NFRKB: variants seen among roughly 807,000 people sequenced by gnomAD.
NFRKB encodes nuclear factor related to kappa-B-binding protein.
In NFRKB, 62 loss-of-function variants were observed where a neutral mutation model predicts 135.7. The ratio of observed to expected loss-of-function variants is 0.46; its 90% CI spans 0.37 to 0.56. NFRKB has a LOEUF of 0.56. NFRKB is among the 20% of genes least tolerant of loss of function. NFRKB has a pLI of 0.00. For synonymous variants in NFRKB, 678 were observed against 635.6 expected, an observed-to-expected ratio of 1.07 and a Z score of -1.00; for missense variants, 1,545 against 1,662.0, an observed-to-expected ratio of 0.93 and a Z score of 1.22.
chr11:129,892,223 C>T (rs963659402), intron 3 of NFRKB, among the ~76,000 whole-genome samples: 1 of 152,164 alleles, frequency 6.6e-6, no homozygotes, highest in African/African-American at 2.4e-5. Context: ...TCCTTCCCCC[C>T]AAGTCCCCAG....
At chr11:129,873,151 A>G in intron 22 of NFRKB, 55 bp from the exon 23 acceptor site, 1 of 1,453,662 alleles carries the variant, frequency 6.9e-7, no homozygotes, top group Non-Finnish European at 9.3e-7. Context: ...GCAGACCAGC[A>G]CTCTAAGCAA....
intron 2 of NFRKB, among the ~76,000 whole-genome samples, chr11:129,893,643 C>T (rs1160581065): frequency 2.6e-5 from 4 of 151,990 alleles, no homozygotes; most frequent in Non-Finnish European, 4.4e-5. Context: ...TCAACATACA[C>T]TAGTAAAATG....
At chr11:129,884,419 C>T (rs1243092804) in intron 7 of NFRKB, among the ~76,000 whole-genome samples, 1 of 152,204 alleles carries the variant, frequency 6.6e-6, no homozygotes, top group Non-Finnish European at 1.5e-5. Context: ...CTCACAGACA[C>T]TCTGGAGAAC....
At position 129,864,247 on chromosome 11, in the gene NFRKB, T is replaced by C. The variant is rs1045679224; in HGVS notation, c.*478A>G. On this transcript the variant is annotated 3_prime_UTR_variant, in exon 27 of 27. Coordinates refer to ENST00000682444, the MANE Select transcript of NFRKB (RefSeq NM_001143835.2). ...GGGGCAGCTAAAGCCCAAGTTTGTA[T>C]TTGAGAAAGATGTACAACAGGTTCT... 5 of 153,196 alleles carry C rather than the reference T, an allele frequency of 3.3e-5. No individual in the cohort carries two copies. The allele number at this position is 153,196 out of a possible 1,614,324, so 9.5% of individuals were successfully genotyped here. A position where few individuals can be genotyped will look rare whatever the true frequency, so the allele number is the denominator to read the frequency against.
chr11:129,875,205 C>T (rs1948702803), intron 18 of NFRKB, 152 bp downstream of exon 18: 1 of 769,578 alleles, frequency 1.3e-6, no homozygotes, highest in Non-Finnish European at 2.0e-6. Context: ...TTGTGTTTCA[C>T]TAACAGCAAG....
At chr11:129,876,657 G>C in intron 17 of NFRKB, 64 bp downstream of exon 17, 1 of 1,560,502 alleles carries the variant, frequency 6.4e-7, no homozygotes. Flanking sequence ...AGAGTTCAGA[G>C]TTGGTAAGAG....
Position 129,878,334 on chromosome 11 carries a change from C to A in NFRKB, c.1486G>T (p.Asp496Tyr), listed in dbSNP as rs1233805925. The change falls in exon 15 of 27, where the codon GAT becomes TAT. Residue 496 changes from aspartate to tyrosine, a missense_variant. Transcript: ENST00000682444. ...FCKQENEDSS[D>Y]ATTPVPRVRT... The stretch of plus-strand genomic sequence containing the variant: ...ACCCGAGGGACAGGTGTTGTGGCAT[C>A]TGAGCTGTCTTCATTTTCTTGCTGG... 6.2e-7 allele frequency: 1 copy of A among 1,614,212 alleles called. No homozygotes were observed. The highest frequency in any genetic ancestry group is 1.7e-5 in the Admixed American group (1 of 60,024).
chr11:129,875,269 T>A, intron 18 of NFRKB, 88 bp downstream of exon 18: 1 of 1,134,504 alleles, frequency 8.8e-7, no homozygotes, highest in Non-Finnish European at 1.3e-6. Flanking sequence ...ATTCAGTTTT[T>A]AAAAATTTTG....
chr11:129,875,878 A>G (rs58024053), intron 17 of NFRKB, among the ~76,000 whole-genome samples: 1,832 of 151,978 alleles, frequency 0.012, 32 homozygotes, highest in African/African-American at 0.04. Context: ...GCTGGTCTTG[A>G]ACTCCTGAGC....
chr11:129,873,116 C>A lies in NFRKB; in HGVS notation c.2551-20G>T. The A allele has an allele frequency of 6.4e-7, 1 of 1,562,762 alleles. No homozygotes were observed. Among genetic ancestry groups the A allele is most frequent in the Non-Finnish European group, 8.7e-7 (1 of 1,149,940 alleles). On this transcript the variant is annotated intron_variant, in intron 22 of 26. Coordinates refer to ENST00000682444, the MANE Select transcript of NFRKB (RefSeq NM_001143835.2). ...TACTGTCTAGTTGAGGGCATGAGGC[C>A]AAGAGCTTAATTAGACTCTAAGATG...
chr11:129,880,276 C>T (rs1010641911), intron 13 of NFRKB, among the ~76,000 whole-genome samples: 5 of 152,180 alleles, frequency 3.3e-5, no homozygotes, highest in African/African-American at 1.2e-4. Flanking sequence ...CTGCTACCTG[C>T]ACAAACAACA....
Position 129,872,908 on chromosome 11 carries a change from G to T in NFRKB, c.2739C>A (p.Val913=). 6.2e-7 allele frequency: 1 copy of T among 1,612,438 alleles called. No individual in the cohort carries two copies. The highest frequency in any genetic ancestry group is 1.1e-5 in the South Asian group (1 of 90,892). ...CCTGCTTGATGATGTTCTGTCCTGT[G>T]ACATTTTGAATGACGGCAGCCGTGG... is the stretch of plus-strand genomic sequence containing the variant. ...SASTAAVIQN[V]TGQNIIKQVA... The change falls in exon 23 of 27, where the codon GTC becomes GTA. Residue 913 remains valine (V), a synonymous_variant. Transcript: ENST00000682444.
chr11:129,880,008 G>A (rs1333215923), intron 13 of NFRKB, among the ~76,000 whole-genome samples: 5 of 152,098 alleles, frequency 3.3e-5, no homozygotes, highest in Admixed American at 2.6e-4. Context: ...ACAACATGGG[G>A]AAACCTTGTC....
In NFRKB at chr11:129,874,029, C is replaced by T. The variant is rs754899342; in HGVS notation, c.2280-14G>A. On this transcript the variant is annotated splice_polypyrimidine_tract_variant and intron_variant, in intron 21 of 26. Coordinates refer to ENST00000682444, the MANE Select transcript of NFRKB (RefSeq NM_001143835.2). This position sits in a 1 kb window ranked among gnomAD's most constrained non-coding sequence, Gnocchi z 4.5. ...ACCAGAAGAACACTATGAAGAACAT[C>T]GGGGAAAGACAAAAAACAAAAACTT... 2.1e-5 allele frequency: 34 copies of T among 1,603,022 alleles called. No individual in the cohort carries two copies. The highest frequency in any genetic ancestry group is 7.7e-5 in the South Asian group (7 of 90,830).
At chr11:129,889,277 T>C (rs930429619) in intron 3 of NFRKB, among the ~76,000 whole-genome samples, 1 of 152,076 alleles carries the variant, frequency 6.6e-6, no homozygotes, top group Non-Finnish European at 1.5e-5. Context: ...TTTTTTAAAA[T>C]AAACTAAAAT....
chr11:129,893,484 C>G (rs935825242), intron 2 of NFRKB: 1 of 238,526 alleles, frequency 4.2e-6, no homozygotes, highest in African/African-American at 2.3e-5. Flanking sequence ...CGCTTGAACA[C>G]GAGATGCAGA....
At chr11:129,882,297 A>G (rs1949065981) in intron 10 of NFRKB, 103 bp from the exon 11 acceptor site, 6 of 1,332,734 alleles carry the variant, frequency 4.5e-6, no homozygotes, top group Non-Finnish European at 6.2e-6. Flanking sequence ...AGTTCAAGAA[A>G]GGAGCAAACA....
chr11:129,881,937 T>C, intron 11 of NFRKB, 84 bp from the exon 12 acceptor site: 1 of 1,526,444 alleles, frequency 6.6e-7, no homozygotes, highest in Admixed American at 2.1e-5. Flanking sequence ...ACCTGCAGTA[T>C]ATGCATCCGG....
In NFRKB at chr11:129,864,674, A is replaced by C; in HGVS notation, c.*51T>G. 6.2e-7 allele frequency: 1 copy of C among 1,612,282 alleles called. No individual in the cohort carries two copies. Among genetic ancestry groups the C allele is most frequent in the Non-Finnish European group, 8.5e-7 (1 of 1,179,250 alleles). ...GATGCAACCTCCCTGGTCCCTTCTC[A>C]GCCAGGACAGACCAGGCATGGTCTT... On this transcript the variant is annotated 3_prime_UTR_variant, in exon 27 of 27. Transcript: ENST00000682444.
Sources: allele counts gnomAD v4.1 joint callset (sites outside exome capture counted in the v4.1 genomes callset), GRCh38; gene constraint gnomAD v4.1.1; non-coding constraint Gnocchi (gnomAD v3.1); transcripts MANE v1.5; gene names NCBI Gene and HGNC (gene_info 2026-07-23, HGNC 2026-07-21).